The following PARD3 variants were observed in gnomAD, a reference collection of about 807,000 sequenced individuals.
PARD3 encodes partitioning defective 3 homolog.
In PARD3, 75 loss-of-function variants were observed where a neutral mutation model predicts 155.4. That is an observed-to-expected ratio of 0.48 (90% confidence interval 0.40 to 0.58). The LOEUF (loss-of-function observed/expected upper bound fraction) is 0.58, where lower values mean the gene tolerates loss of function less well. PARD3 is among the 20% of genes least tolerant of loss of function. The probability of loss-of-function intolerance (pLI) is 0.00; values close to 1 mark genes in which losing one functional copy is unlikely to be tolerated. For synonymous variants in PARD3, 576 were observed against 610.5 expected (o/e 0.94, Z 0.83); for missense variants, 1,642 against 1,721.7 (o/e 0.95, Z 0.82).
chr10:34,331,371 T>G, intron 18 of PARD3, 27 bp from the exon 19 acceptor site: 1 of 1,430,836 alleles, frequency 7.0e-7, no homozygotes, highest in South Asian at 1.2e-5. Context: ...AAAAAAAATG[T>G]TAGTGTGAAT....
At chr10:34,571,577 A>AG (rs1481724684) in intron 2 of PARD3, among the ~76,000 whole-genome samples, 1 of 152,210 alleles carries the variant, frequency 6.6e-6, no homozygotes, top group Non-Finnish European at 1.5e-5. Context: ...AGCATGGTGT[A>AG]GCAAAACTAG....
intron 1 of PARD3, among the ~76,000 whole-genome samples, chr10:34,721,661 C>G (rs2094608238): frequency 6.6e-6 from 1 of 152,210 alleles, no homozygotes; most frequent in South Asian, 2.1e-4. Flanking sequence ...CCTGTACAGC[C>G]ATCTCCTGGA....
At chr10:34,416,815 A>G (rs983770022) in intron 5 of PARD3, among the ~76,000 whole-genome samples, 2 of 152,258 alleles carry the variant, frequency 1.3e-5, no homozygotes, top group African/African-American at 2.4e-5. Flanking sequence ...GTATCACAAC[A>G]TGAACTGTAA....
intron 3 of PARD3, among the ~76,000 whole-genome samples, chr10:34,503,251 A>G (rs1244885464): frequency 2.0e-5 from 3 of 152,234 alleles, no homozygotes; most frequent in South Asian, 4.1e-4. Flanking sequence ...GCTGTTTTAA[A>G]TAACAAATTA....
At chr10:34,390,387 G>A (rs563877694) in intron 7 of PARD3, among the ~76,000 whole-genome samples, 1 of 152,230 alleles carries the variant, frequency 6.6e-6, no homozygotes, top group Non-Finnish European at 1.5e-5. Flanking sequence ...CACCACTGGA[G>A]GGAATTTCAA....
chr10:34,214,357 C>T (rs1043777685), intron 22 of PARD3, among the ~76,000 whole-genome samples: 2 of 152,088 alleles, frequency 1.3e-5, no homozygotes, highest in African/African-American at 4.8e-5. Flanking sequence ...TGATTCTTAT[C>T]AAAAAATTTA....
intron 1 of PARD3, among the ~76,000 whole-genome samples, chr10:34,711,875 A>C (rs1192689439): frequency 6.6e-6 from 1 of 152,158 alleles, no homozygotes; most frequent in African/African-American, 2.4e-5. Context: ...GAGCTGGCTC[A>C]AGAAATGCTG....
At chr10:34,219,111 G>A (rs1460965677) in intron 22 of PARD3, among the ~76,000 whole-genome samples, 1 of 152,144 alleles carries the variant, frequency 6.6e-6, no homozygotes, top group East Asian at 1.9e-4. Context: ...TTTTTCAGCT[G>A]GGCCTGCCCA....
intron 1 of PARD3, among the ~76,000 whole-genome samples, chr10:34,719,393 C>G (rs1264307044): frequency 6.6e-6 from 1 of 152,198 alleles, no homozygotes; most frequent in Non-Finnish European, 1.5e-5. Flanking sequence ...CCTCCCTCTA[C>G]TTTAAGTTAA....
chr10:34,135,479 C>T (rs531916915), intron 22 of PARD3, among the ~76,000 whole-genome samples: 5 of 152,300 alleles, frequency 3.3e-5, no homozygotes, highest in East Asian at 1.9e-4. Flanking sequence ...TTATATGGAA[C>T]GTCCATAATT....
At chr10:34,549,452 A>G (rs1158695542) in intron 2 of PARD3, among the ~76,000 whole-genome samples, 2 of 152,298 alleles carry the variant, frequency 1.3e-5, no homozygotes, top group African/African-American at 4.8e-5. Flanking sequence ...GTAGCCCACA[A>G]TTCACCAACA....
chr10:34,620,257 C>T (rs1332110353), intron 2 of PARD3, among the ~76,000 whole-genome samples: 3 of 152,146 alleles, frequency 2.0e-5, no homozygotes, highest in African/African-American at 7.2e-5. Context: ...GACTCCTACT[C>T]CTCCACTGGT....
intron 24 of PARD3, among the ~76,000 whole-genome samples, chr10:34,118,186 T>C (rs1946787823): frequency 6.6e-6 from 1 of 152,180 alleles, no homozygotes; most frequent in African/African-American, 2.4e-5. Context: ...AAAGGGGTTT[T>C]ATATAGCCTT....
intron 2 of PARD3, among the ~76,000 whole-genome samples, chr10:34,566,793 A>G (rs571547292): frequency 6.6e-6 from 1 of 152,326 alleles, no homozygotes; most frequent in African/African-American, 2.4e-5. Context: ...TTCCCACATC[A>G]GGCCAAATAA....
intron 5 of PARD3, among the ~76,000 whole-genome samples, chr10:34,427,089 G>C (rs903967968): frequency 6.6e-6 from 1 of 152,112 alleles, no homozygotes; most frequent in Non-Finnish European, 1.5e-5. Flanking sequence ...TGATGATTGC[G>C]TTAACTGCAC....
chr10:34,223,229 CACAAG>C (rs1172755282), intron 22 of PARD3, among the ~76,000 whole-genome samples: 5 of 152,028 alleles, frequency 3.3e-5, no homozygotes, highest in Non-Finnish European at 7.4e-5. Context: ...CAGGATGTTA[CACAAG>C]ACAACTGGCC....
intron 2 of PARD3, among the ~76,000 whole-genome samples, chr10:34,692,896 A>C (rs1212159905): frequency 1.3e-5 from 2 of 152,192 alleles, no homozygotes; most frequent in Non-Finnish European, 2.9e-5. Context: ...ACAAAGAACA[A>C]GAACAGACGC....
chr10:34,249,287 C>T (rs1345279374), intron 22 of PARD3, among the ~76,000 whole-genome samples: 1 of 152,168 alleles, frequency 6.6e-6, no homozygotes, highest in Non-Finnish European at 1.5e-5. Context: ...GCTGGGATTA[C>T]AGGCATGAGC....
chr10:34,492,803 T>C (rs2080005264), intron 3 of PARD3, among the ~76,000 whole-genome samples: 1 of 152,220 alleles, frequency 6.6e-6, no homozygotes, highest in South Asian at 2.1e-4. Context: ...AAAGAATCTT[T>C]TCAGTCAAAC....
Sources: allele counts gnomAD v4.1 joint callset (sites outside exome capture counted in the v4.1 genomes callset), GRCh38; gene constraint gnomAD v4.1.1; transcripts MANE v1.5; gene names NCBI Gene and HGNC (gene_info 2026-07-23, HGNC 2026-07-21).